ATL3: variants seen among roughly 807,000 people sequenced by gnomAD.
ATL3 encodes the protein atlastin GTPase 3, also known as atlastin-3.
A neutral mutation model predicts 69.5 loss-of-function variants in ATL3; 49 were observed. The observed-to-expected ratio is 0.71, with a 90% CI of 0.56 to 0.89. The LOEUF is 0.89. Ranked by LOEUF, ATL3 falls within the 40% of genes least tolerant of loss-of-function variation. The pLI is 0.00. For missense variants in ATL3, 606 were observed against 645.7 expected, an observed-to-expected ratio of 0.94 and a Z score of 0.67; for synonymous variants, 214 against 224.1, an observed-to-expected ratio of 0.95 and a Z score of 0.40.
intron 1 of ATL3, among the ~76,000 whole-genome samples, chr11:63,661,864 G>A (rs1208230913): frequency 1.4e-5 from 2 of 147,726 alleles, no homozygotes; most frequent in Admixed American, 6.8e-5. Flanking sequence ...ACTCCAGCCT[G>A]GGCAAAAGAG....
chr11:63,647,869 T>C (rs1939935780), intron 5 of ATL3, among the ~76,000 whole-genome samples: 2 of 152,200 alleles, frequency 1.3e-5, no homozygotes, highest in African/African-American at 4.8e-5. Context: ...AGTTTTGGCT[T>C]TCTCTGTTCT....
intron 10 of ATL3, among the ~76,000 whole-genome samples, chr11:63,634,220 A>G (rs1457135398): frequency 3.3e-5 from 5 of 149,502 alleles, no homozygotes; most frequent in East Asian, 2.0e-4. Flanking sequence ...GAAGAAAAAA[A>G]AGGGGGCTGG....
intron 3 of ATL3, among the ~76,000 whole-genome samples, chr11:63,656,640 A>G (rs2134518093): frequency 6.6e-6 from 1 of 151,800 alleles, no homozygotes; most frequent in Non-Finnish European, 1.5e-5. Context: ...AGGCTGAGAC[A>G]GGAGAATTGC....
Position 63,636,270 on chromosome 11 carries a change from C to T in ATL3, c.915G>A (p.Lys305=). The T allele has an allele frequency of 6.2e-7, 1 of 1,614,112 alleles. No individual in the cohort carries two copies. The highest frequency in any genetic ancestry group is 2.2e-5 in the East Asian group (1 of 44,876). ...AGCCATTGATCTCCTTTTCCATTAA[C>T]TTAGATGGGTTTAATACATACGGTA... ...ALIPYVLNPS[K]LMEKEINGSK... Residue 305 remains lysine (K), a synonymous_variant, in exon 9 of 13, where the codon AAG becomes AAA. Transcript: ENST00000398868.
rs1590721858 is a variant in ATL3 at position 63,636,464 on chromosome 11, C to A, written c.851-130G>T. On this transcript the variant is annotated intron_variant, in intron 8 of 12. Transcript: ENST00000398868. Reference sequence around the variant, plus strand: ...TGTTAAAAGTGAGAGAGAAGCCGGGCACGGTGGCTCACGCCTATAATCCTA... The same window carrying A: ...TGTTAAAAGTGAGAGAGAAGCCGGGAACGGTGGCTCACGCCTATAATCCTA... 5 of 1,218,000 alleles carry A rather than the reference C, an allele frequency of 4.1e-6. No individual in the cohort carries two copies. In the East Asian group the frequency reaches 1.2e-4, roughly 30 times the overall value. The allele number at this position is 1,218,000 out of a possible 1,614,324, so 75.4% of individuals were successfully genotyped here. A position where few individuals can be genotyped will look rare whatever the true frequency, so the allele number is the denominator to read the frequency against.
chr11:63,632,601 G>T, intron 11 of ATL3: 1 of 868,494 alleles, frequency 1.2e-6, no homozygotes, highest in Non-Finnish European at 2.0e-6. Context: ...ACAGATTCCA[G>T]TTACTATGGA....
At chr11:63,630,250 TAA>T (rs36043798) in intron 12 of ATL3, among the ~76,000 whole-genome samples, 22 of 121,334 alleles carry the variant, frequency 1.8e-4, no homozygotes, top group Admixed American at 1.7e-4. Context: ...CTGTCTCTAC[TAA>T]AAAAAAAAAA....
chr11:63,667,368 C>T (rs1185572595), intron 1 of ATL3, among the ~76,000 whole-genome samples: 1 of 150,794 alleles, frequency 6.6e-6, no homozygotes, highest in Non-Finnish European at 1.5e-5. Context: ...CTTGCTCTGT[C>T]GCCCAGGCTG....
chr11:63,644,231 A>T lies in ATL3; in HGVS notation c.649T>A (p.Phe217Ile). ...AGTCCATAGCTATATTCATAAGGGA[A>T]ACTCCAATCTCTAACCAAAAACATC... ...TLMFLVRDWSFPYEYSYGLQG... is the reference protein window; with the variant it reads ...TLMFLVRDWSIPYEYSYGLQG... Residue 217 changes from phenylalanine to isoleucine, a missense_variant, in exon 7 of 13, where the codon TTC becomes ATC. Phe to Ile is a conservative substitution (Grantham distance 21). Transcript: ENST00000398868. 1 of 1,611,184 alleles carries T rather than the reference A, an allele frequency of 6.2e-7. No homozygotes were observed. The highest frequency in any genetic ancestry group is 8.5e-7 in the Non-Finnish European group (1 of 1,178,658).
intron 8 of ATL3, among the ~76,000 whole-genome samples, chr11:63,641,811 C>T (rs1939709991): frequency 6.6e-6 from 1 of 152,194 alleles, no homozygotes; most frequent in Non-Finnish European, 1.5e-5. Context: ...TTAAAAAACT[C>T]TGCCTACTCC....
chr11:63,627,626 C>A lies in ATL3; in HGVS notation c.*1693G>T, dbSNP rs1453831721. On this transcript the variant is annotated 3_prime_UTR_variant, in exon 13 of 13. Coordinates refer to ENST00000398868, the MANE Select transcript of ATL3 (RefSeq NM_015459.5). Reference sequence around the variant, plus strand: ...CCTCCCATAACAAAAGTTAAATTATCTTAGAAATTAAGGCTTATATACCTG... The same window carrying A: ...CCTCCCATAACAAAAGTTAAATTATATTAGAAATTAAGGCTTATATACCTG... 3.9e-5 allele frequency: 6 copies of A among 152,238 alleles called. No individual in the cohort carries two copies. In the South Asian group the frequency reaches 1.2e-3, roughly 32 times the overall value. The allele number at this position is 152,238 out of a possible 1,614,324, so 9.4% of individuals were successfully genotyped here. A position where few individuals can be genotyped will look rare whatever the true frequency, so the allele number is the denominator to read the frequency against.
At chr11:63,632,186 A>T in intron 11 of ATL3, 1 of 557,476 alleles carries the variant, frequency 1.8e-6, no homozygotes, top group South Asian at 2.0e-5. Context: ...TATAGAACAG[A>T]TCTATGACCA....
chr11:63,658,008 C>G (rs1940310843), intron 3 of ATL3, among the ~76,000 whole-genome samples: 1 of 152,236 alleles, frequency 6.6e-6, no homozygotes, highest in East Asian at 1.9e-4. Flanking sequence ...AGGCACCCAC[C>G]ACCACACCCA....
chr11:63,671,532 C>T, upstream of ATL3: 7 of 1,427,490 alleles, frequency 4.9e-6, no homozygotes, highest in Non-Finnish European at 6.4e-6. Context: ...CAGCCCGAGG[C>T]GTGGCGAGCG....
chr11:63,629,844 C>A (rs891975027), intron 12 of ATL3, among the ~76,000 whole-genome samples: 1 of 151,756 alleles, frequency 6.6e-6, no homozygotes, highest in African/African-American at 2.4e-5. Context: ...AGCTAAGATA[C>A]CAGCCTGGGT....
chr11:63,671,609 G>T, upstream of ATL3: 1 of 1,427,362 alleles, frequency 7.0e-7, no homozygotes, highest in South Asian at 1.3e-5. Flanking sequence ...CGCCTGCCGC[G>T]TGTGCGCGAA....
intron 5 of ATL3, among the ~76,000 whole-genome samples, chr11:63,651,570 C>A (rs1015829531): frequency 2.6e-5 from 4 of 152,156 alleles, no homozygotes; most frequent in Non-Finnish European, 5.9e-5. Flanking sequence ...CATCACTTAA[C>A]CCCTTCCTGT....
At chr11:63,647,890 C>A (rs1210638881) in intron 5 of ATL3, among the ~76,000 whole-genome samples, 1 of 152,164 alleles carries the variant, frequency 6.6e-6, no homozygotes, top group East Asian at 1.9e-4. Context: ...GCTAAGAAAT[C>A]TGGAAGAGAC....
intron 6 of ATL3, among the ~76,000 whole-genome samples, chr11:63,645,428 A>G (rs1190895955): frequency 6.6e-6 from 1 of 152,032 alleles, no homozygotes; most frequent in Admixed American, 6.6e-5. Context: ...AGAAAAGAAA[A>G]GAAATAAGGC....
Sources: allele counts gnomAD v4.1 joint callset (sites outside exome capture counted in the v4.1 genomes callset), GRCh38; gene constraint gnomAD v4.1.1; transcripts MANE v1.5; gene names NCBI Gene and HGNC (gene_info 2026-07-23, HGNC 2026-07-21).